FHIT: variants seen among roughly 807,000 people sequenced by gnomAD.
FHIT encodes the protein bis(5'-adenosyl)-triphosphatase.
In FHIT, 19 loss-of-function variants were observed where a neutral mutation model predicts 17.9. That is an observed-to-expected ratio of 1.06 (90% CI 0.74 to 1.56). The LOEUF (loss-of-function observed/expected upper bound fraction) is 1.56. Among genes scored for constraint, FHIT ranks in the 40% most tolerant of loss-of-function variants. The probability of loss-of-function intolerance (pLI) is 0.00; values close to 1 mark genes in which losing one functional copy is unlikely to be tolerated. For synonymous variants in FHIT, 81 were observed against 69.7 expected, an observed-to-expected ratio of 1.16 and a Z score of -0.81; for missense variants, 248 against 189.2, an observed-to-expected ratio of 1.31 and a Z score of -1.82.
chr3:61,087,489 C>T (rs886735669), intron 2 of FHIT, among the ~76,000 whole-genome samples: 3 of 152,058 alleles, frequency 2.0e-5, no homozygotes, highest in Non-Finnish European at 4.4e-5. Context: ...TGGTAGAATC[C>T]ATTCGATAAT....
intron 5 of FHIT, among the ~76,000 whole-genome samples, chr3:60,132,572 T>C (rs1699640804): frequency 6.6e-6 from 1 of 152,220 alleles, no homozygotes. Flanking sequence ...AGTTGGAAGA[T>C]ACTTTTAGAA....
At chr3:60,194,327 A>G in intron 5 of FHIT, among the ~76,000 whole-genome samples, 1 of 152,152 alleles carries the variant, frequency 6.6e-6, no homozygotes, top group Non-Finnish European at 1.5e-5. Context: ...TAAAAAACAT[A>G]AACTGGGGAA....
chr3:60,560,906 G>T (rs916334514), intron 4 of FHIT, among the ~76,000 whole-genome samples: 1 of 149,662 alleles, frequency 6.7e-6, no homozygotes, highest in Non-Finnish European at 1.5e-5. Context: ...GAGTAGGAAG[G>T]GACACAGAGC....
chr3:61,058,055 A>G (rs2034287528), intron 2 of FHIT, among the ~76,000 whole-genome samples: 1 of 149,546 alleles, frequency 6.7e-6, no homozygotes, highest in Non-Finnish European at 1.5e-5. Context: ...AATATCACAG[A>G]AAAAAAAAAG....
chr3:60,891,720 T>C (rs1705524693), intron 3 of FHIT, among the ~76,000 whole-genome samples: 1 of 152,178 alleles, frequency 6.6e-6, no homozygotes. Flanking sequence ...TGCACAACTA[T>C]GGGATGATGG....
At chr3:60,088,525 A>G (rs961068870) in intron 5 of FHIT, among the ~76,000 whole-genome samples, 7 of 152,018 alleles carry the variant, frequency 4.6e-5, no homozygotes, top group Admixed American at 4.6e-4. Context: ...GGAAACCCCA[A>G]CTCTAATTCA....
intron 3 of FHIT, among the ~76,000 whole-genome samples, chr3:60,840,294 A>C (rs1162252656): frequency 6.6e-6 from 1 of 152,062 alleles, no homozygotes. Context: ...TTTTCTTCTA[A>C]TTTTCACATC....
chr3:60,996,763 T>C (rs1379633881), intron 3 of FHIT, among the ~76,000 whole-genome samples: 1 of 152,232 alleles, frequency 6.6e-6, no homozygotes, highest in Non-Finnish European at 1.5e-5. Flanking sequence ...ATGGGTGCAT[T>C]TGAAGTGAGA....
intron 4 of FHIT, among the ~76,000 whole-genome samples, chr3:60,810,374 G>A (rs1701537618): frequency 1.3e-5 from 2 of 152,080 alleles, no homozygotes; most frequent in African/African-American, 4.8e-5. Context: ...AAGCTCTCCA[G>A]CCCTTTGATT....
At chr3:60,152,078 C>G (rs1700490905) in intron 5 of FHIT, among the ~76,000 whole-genome samples, 1 of 152,174 alleles carries the variant, frequency 6.6e-6, no homozygotes, top group Non-Finnish European at 1.5e-5. Context: ...CTTCCAACAA[C>G]ATGATGCAAC....
At chr3:60,995,089 G>A (rs974023500) in intron 3 of FHIT, among the ~76,000 whole-genome samples, 1 of 152,172 alleles carries the variant, frequency 6.6e-6, no homozygotes, top group Non-Finnish European at 1.5e-5. Flanking sequence ...GGGAGGCCGA[G>A]GCGGGCGGAT....
intron 7 of FHIT, among the ~76,000 whole-genome samples, chr3:59,930,464 G>A (rs1010594917): frequency 2.0e-5 from 3 of 152,104 alleles, no homozygotes; most frequent in African/African-American, 7.2e-5. Flanking sequence ...CTGGTTAGAG[G>A]TTCTTAAACT....
chr3:59,750,356 C>T, intron 9 of FHIT: 1 of 225,008 alleles, frequency 4.4e-6, no homozygotes, highest in Non-Finnish European at 8.9e-6. Context: ...TCAACCTAGG[C>T]AGTCAAGTCT....
intron 3 of FHIT, among the ~76,000 whole-genome samples, chr3:60,972,781 G>T (rs1247740202): frequency 6.6e-6 from 1 of 151,736 alleles, no homozygotes; most frequent in East Asian, 1.9e-4. Flanking sequence ...GCTTTAATCT[G>T]GATATTTTCC....
At chr3:59,882,258 C>T (rs1703439462) in intron 8 of FHIT, among the ~76,000 whole-genome samples, 1 of 152,044 alleles carries the variant, frequency 6.6e-6, no homozygotes, top group Non-Finnish European at 1.5e-5. Flanking sequence ...CATATTCACA[C>T]TTTAACATGT....
At chr3:60,592,462 C>A (rs1008483543) in intron 4 of FHIT, among the ~76,000 whole-genome samples, 1 of 151,954 alleles carries the variant, frequency 6.6e-6, no homozygotes, top group Middle Eastern at 3.2e-3. Flanking sequence ...ACCAGCAGAC[C>A]AGAACTTGTC....
At chr3:60,648,726 G>A (rs950766702) in intron 4 of FHIT, among the ~76,000 whole-genome samples, 1 of 152,188 alleles carries the variant, frequency 6.6e-6, no homozygotes, top group African/African-American at 2.4e-5. Flanking sequence ...AATGTGAGAT[G>A]AAAAGCTAAA....
chr3:60,150,514 G>T (rs1335608379), intron 5 of FHIT, among the ~76,000 whole-genome samples: 1 of 152,056 alleles, frequency 6.6e-6, no homozygotes, highest in Non-Finnish European at 1.5e-5. Context: ...TGAAACAGAG[G>T]CTCACTATGT....
At chr3:60,277,532 C>T (rs980580589) in intron 5 of FHIT, among the ~76,000 whole-genome samples, 8 of 152,158 alleles carry the variant, frequency 5.3e-5, no homozygotes, top group African/African-American at 1.9e-4. Context: ...GAGCAGGCAA[C>T]ATGGCGCCAG....
Sources: allele counts gnomAD v4.1 joint callset (sites outside exome capture counted in the v4.1 genomes callset), GRCh38; gene constraint gnomAD v4.1.1; transcripts MANE v1.5; gene names NCBI Gene and HGNC (gene_info 2026-07-23, HGNC 2026-07-21).